Variants in ADCY2 observed in about 807,000 individuals in gnomAD.
The protein encoded by ADCY2 is adenylate cyclase type 2.
A neutral mutation model predicts 125.2 loss-of-function variants in ADCY2; 31 were observed. That is an observed-to-expected ratio of 0.25 (90% CI 0.19 to 0.33). ADCY2 has a LOEUF of 0.33. Among genes scored for constraint, ADCY2 ranks in the 10% least tolerant of loss-of-function variants. The probability of loss-of-function intolerance (pLI) is 1.00; values close to 1 mark genes in which losing one functional copy is unlikely to be tolerated. For missense variants in ADCY2, 904 were observed against 1,418.2 expected (o/e 0.64, Z 5.82); for synonymous variants, 512 against 548.4 (o/e 0.93, Z 0.93).
At chr5:7,500,566 A>C (rs1353400431) in intron 2 of ADCY2, among the ~76,000 whole-genome samples, 1 of 152,182 alleles carries the variant, frequency 6.6e-6, no homozygotes, top group Non-Finnish European at 1.5e-5. Flanking sequence ...TCAAGCACAA[A>C]ATCCCAGTAA....
chr5:7,592,021 A>G (rs1736862390), intron 3 of ADCY2, among the ~76,000 whole-genome samples: 1 of 152,176 alleles, frequency 6.6e-6, no homozygotes, highest in Non-Finnish European at 1.5e-5. Flanking sequence ...AATATGTGTC[A>G]CAAGTATATT....
chr5:7,512,533 A>C (rs1174568023), intron 2 of ADCY2, among the ~76,000 whole-genome samples: 1 of 152,142 alleles, frequency 6.6e-6, no homozygotes, highest in East Asian at 1.9e-4. Context: ...GTTTTATTAA[A>C]TGAGATGGGA....
At chr5:7,630,878 CT>C (rs1277385624) in intron 4 of ADCY2, among the ~76,000 whole-genome samples, 1 of 151,794 alleles carries the variant, frequency 6.6e-6, no homozygotes, top group Non-Finnish European at 1.5e-5. Flanking sequence ...CCTCTGCCCC[CT>C]GGGGCTCAAC....
chr5:7,707,844 T>TATC lies in ADCY2; in HGVS notation c.1401+9_1401+11dup. ...ACTTTGTGATCAACCCCAAGGTCAG[T>TATC]ATCATTGTAAAGAGTCTATGATGAA... On this transcript the variant is annotated splice_region_variant and intron_variant, in intron 9 of 24. Coordinates refer to ENST00000338316, the MANE Select transcript of ADCY2 (RefSeq NM_020546.3). 6.2e-7 allele frequency: 1 copy of TATC among 1,613,812 alleles called. No individual in the cohort carries two copies. Among genetic ancestry groups the TATC allele is most frequent in the African/African-American group, 1.3e-5 (1 of 75,034 alleles).
At chr5:7,699,080 C>CCTTTTT (rs1740989782) in intron 7 of ADCY2, among the ~76,000 whole-genome samples, 1 of 36,554 alleles carries the variant, frequency 2.7e-5, no homozygotes, top group Non-Finnish European at 5.7e-5. Flanking sequence ...CAACAGTAAG[C>CCTTTTT]ATTTTTTTTT....
chr5:7,803,170 C>T (rs545459496), intron 21 of ADCY2, among the ~76,000 whole-genome samples: 1 of 152,262 alleles, frequency 6.6e-6, no homozygotes, highest in South Asian at 2.1e-4. Flanking sequence ...ACGTAATGAC[C>T]GTCAGCGATT....
intron 3 of ADCY2, among the ~76,000 whole-genome samples, chr5:7,587,917 C>T (rs1280615940): frequency 6.6e-6 from 1 of 152,058 alleles, no homozygotes; most frequent in African/African-American, 2.4e-5. Context: ...ATGACCAGGA[C>T]AGGCCAACAG....
intron 18 of ADCY2, among the ~76,000 whole-genome samples, chr5:7,780,405 G>A (rs146258899): frequency 1.3e-5 from 2 of 152,268 alleles, no homozygotes; most frequent in African/African-American, 2.4e-5. Flanking sequence ...GTCACTTGTG[G>A]ACAAAGCCAG....
intron 3 of ADCY2, among the ~76,000 whole-genome samples, chr5:7,522,799 G>A (rs1207991613): frequency 4.7e-5 from 7 of 149,110 alleles, no homozygotes; most frequent in Non-Finnish European, 1.0e-4. Context: ...GGTGGTGGGC[G>A]CCTGTAGTCC....
At chr5:7,662,989 TCATA>T (rs3073879) in intron 4 of ADCY2, among the ~76,000 whole-genome samples, 49,469 of 151,858 alleles carry the variant, frequency 0.33, 8,471 homozygotes, top group East Asian at 0.64. Context: ...GCAGTGAAAT[TCATA>T]CATTCATTTT....
At chr5:7,824,489 G>A (rs912735290) in intron 24 of ADCY2, among the ~76,000 whole-genome samples, 5 of 152,162 alleles carry the variant, frequency 3.3e-5, no homozygotes, top group South Asian at 2.1e-4. Flanking sequence ...TTGGTGGAAG[G>A]CCGCTCGTCC....
At chr5:7,556,145 G>A (rs992765204) in intron 3 of ADCY2, among the ~76,000 whole-genome samples, 5 of 152,008 alleles carry the variant, frequency 3.3e-5, no homozygotes, top group Non-Finnish European at 7.4e-5. Flanking sequence ...TATGGATTTA[G>A]GTAATTCCCA....
intron 2 of ADCY2, among the ~76,000 whole-genome samples, chr5:7,502,122 G>A (rs1271757847): frequency 3.3e-5 from 5 of 152,154 alleles, no homozygotes; most frequent in Admixed American, 2.6e-4. Context: ...ACAGAGCAGT[G>A]TTTACAACCA....
At chr5:7,467,109 G>A (rs1038598098) in intron 2 of ADCY2, among the ~76,000 whole-genome samples, 1 of 152,222 alleles carries the variant, frequency 6.6e-6, no homozygotes, top group Non-Finnish European at 1.5e-5. Flanking sequence ...GGAGATAAGA[G>A]AGAGCTTAAG....
At chr5:7,673,983 GA>G (rs1740028572) in intron 4 of ADCY2, among the ~76,000 whole-genome samples, 1 of 152,162 alleles carries the variant, frequency 6.6e-6, no homozygotes, top group Non-Finnish European at 1.5e-5. Context: ...TCCAGTGGGA[GA>G]AAATGATCCA....
intron 13 of ADCY2, 28 bp from the exon 14 acceptor site, chr5:7,727,136 C>A (rs772016891): frequency 1.2e-5 from 19 of 1,551,066 alleles, no homozygotes; most frequent in Non-Finnish European, 1.6e-5. Context: ...GGAGAACTGT[C>A]ACTCACAGGT....
At chr5:7,711,791 T>C (rs1003801294) in intron 10 of ADCY2, among the ~76,000 whole-genome samples, 1 of 152,230 alleles carries the variant, frequency 6.6e-6, no homozygotes. Flanking sequence ...GTCCCACCTG[T>C]TGCAGATTCA....
intron 2 of ADCY2, among the ~76,000 whole-genome samples, chr5:7,439,781 C>A (rs996283843): frequency 3.9e-5 from 6 of 152,086 alleles, no homozygotes; most frequent in Non-Finnish European, 8.8e-5. Context: ...CAGGGCACTT[C>A]ATGTCATGGA....
chr5:7,677,039 G>A (rs533885178), intron 4 of ADCY2, among the ~76,000 whole-genome samples: 1 of 152,200 alleles, frequency 6.6e-6, no homozygotes, highest in South Asian at 2.1e-4. Flanking sequence ...CGCTTTGGGA[G>A]GCCGAGGCAG....
Sources: allele counts gnomAD v4.1 joint callset (sites outside exome capture counted in the v4.1 genomes callset), GRCh38; gene constraint gnomAD v4.1.1; transcripts MANE v1.5; gene names NCBI Gene and HGNC (gene_info 2026-07-23, HGNC 2026-07-21).